GGTA1: variants seen among roughly 807,000 people sequenced by gnomAD.
The protein encoded by GGTA1 is inactive N-acetyllactosaminide alpha-1,3-galactosyltransferase.
A neutral mutation model predicts 2.6 loss-of-function variants in GGTA1; 5 were observed. The ratio of observed to expected loss-of-function variants is 1.92; its 90% CI spans 1.00 to 4.04. The LOEUF is 4.04. Ranked by LOEUF, GGTA1 falls within the 30% of genes most tolerant of loss-of-function variation. The pLI is 0.00. For synonymous variants in GGTA1, 17 were observed against 5.0 expected, an observed-to-expected ratio of 3.38 and a Z score of -3.19; for missense variants, 50 against 16.7, an observed-to-expected ratio of 2.99 and a Z score of -3.47.
At chr9:121,456,627 G>T (rs907137982) in intron 5 of GGTA1, among the ~76,000 whole-genome samples, 8 of 151,984 alleles carry the variant, frequency 5.3e-5, no homozygotes, top group Non-Finnish European at 2.9e-5. Context: ...CGTTGGTCAG[G>T]CTGGTCTCGA....
At chr9:121,475,301 G>C (rs1828485157) in intron 1 of GGTA1, among the ~76,000 whole-genome samples, 1 of 152,136 alleles carries the variant, frequency 6.6e-6, no homozygotes, top group South Asian at 2.1e-4. Flanking sequence ...GGTCTAAAAA[G>C]GGGAGCCATG....
At chr9:121,449,427 G>A (rs1052703421) in intron 7 of GGTA1, among the ~76,000 whole-genome samples, 2 of 152,324 alleles carry the variant, frequency 1.3e-5, no homozygotes, top group East Asian at 1.9e-4. Flanking sequence ...ATGAATAAGT[G>A]TTCCTGTTGC....
At chr9:121,487,086 C>T (rs1461470289) in intron 1 of GGTA1, among the ~76,000 whole-genome samples, 1 of 152,184 alleles carries the variant, frequency 6.6e-6, no homozygotes, top group Non-Finnish European at 1.5e-5. Context: ...GGGGTTGGCT[C>T]TTGCCCCAGG....
chr9:121,463,664 C>T (rs2064979103), intron 2 of GGTA1, among the ~76,000 whole-genome samples: 1 of 152,136 alleles, frequency 6.6e-6, no homozygotes, highest in African/African-American at 2.4e-5. Context: ...GCTGGGATTA[C>T]AGGTGTGAGT....
At chr9:121,465,498 A>G (rs1199907379) in intron 2 of GGTA1, among the ~76,000 whole-genome samples, 1 of 152,182 alleles carries the variant, frequency 6.6e-6, no homozygotes, top group Non-Finnish European at 1.5e-5. Context: ...CAGTGCGATG[A>G]TATTTGGAGG....
intron 1 of GGTA1, among the ~76,000 whole-genome samples, chr9:121,490,258 C>A (rs1198364008): frequency 6.6e-6 from 1 of 152,168 alleles, no homozygotes; most frequent in Admixed American, 6.5e-5. Flanking sequence ...GCTCTAAAAA[C>A]CAACCTATTT....
chr9:121,487,728 T>G (rs1828791552), intron 1 of GGTA1, among the ~76,000 whole-genome samples: 1 of 152,172 alleles, frequency 6.6e-6, no homozygotes, highest in South Asian at 2.1e-4. Context: ...ACTTTTTTCT[T>G]TTTTTGAGGT....
At chr9:121,484,994 T>G (rs764317662) in intron 1 of GGTA1, among the ~76,000 whole-genome samples, 6 of 152,180 alleles carry the variant, frequency 3.9e-5, no homozygotes, top group African/African-American at 1.4e-4. Context: ...CTCCAGGACA[T>G]TAACTCACTG....
intron 1 of GGTA1, among the ~76,000 whole-genome samples, chr9:121,480,061 C>CTTTTCTTTT (rs58602847): frequency 3.7e-4 from 52 of 139,858 alleles, no homozygotes; most frequent in Non-Finnish European, 3.3e-4. Context: ...CTTTTCTTTT[C>CTTTTCTTTT]TTTTTTTTTT....
chr9:121,445,920 C>G (rs1344552109), exon 8 of GGTA1: 2 of 152,188 alleles, frequency 1.3e-5, no homozygotes, highest in Non-Finnish European at 2.9e-5. Context: ...ATCCTAGAAA[C>G]AGAACTGCTT....
At chr9:121,461,167 G>A in intron 4 of GGTA1, 85 bp downstream of exon 4, 2 of 408,564 alleles carry the variant, frequency 4.9e-6, no homozygotes, top group Admixed American at 6.5e-5. Flanking sequence ...GACTGAGAAG[G>A]TCATGAACAT....
intron 1 of GGTA1, among the ~76,000 whole-genome samples, chr9:121,496,757 A>AAAAAAAAAAAAAAAAAAAAAAG (rs1554838784): frequency 7.1e-5 from 8 of 112,000 alleles, no homozygotes; most frequent in Non-Finnish European, 1.0e-4. Flanking sequence ...AAAAAAAAAA[A>AAAAAAAAAAAAAAAAAAAAAAG]AGAGAGAGAG....
chr9:121,490,909 A>G (rs1293006458), intron 1 of GGTA1, among the ~76,000 whole-genome samples: 2 of 151,930 alleles, frequency 1.3e-5, no homozygotes, highest in African/African-American at 4.8e-5. Flanking sequence ...TGCCCCAAAC[A>G]TTTTCTGAGC....
At chr9:121,495,572 C>A (rs1380783889) in intron 1 of GGTA1, among the ~76,000 whole-genome samples, 3 of 152,052 alleles carry the variant, frequency 2.0e-5, no homozygotes, top group Non-Finnish European at 2.9e-5. Context: ...AGCTGACTAT[C>A]CTCATTGTTT....
chr9:121,497,419 T>C (rs747006637), intron 1 of GGTA1, among the ~76,000 whole-genome samples: 20 of 152,102 alleles, frequency 1.3e-4, no homozygotes, highest in Non-Finnish European at 2.2e-4. Context: ...TGAGAGGTGA[T>C]GTAATGGAAA....
At chr9:121,486,992 G>C (rs1243029477) in intron 1 of GGTA1, among the ~76,000 whole-genome samples, 2 of 152,150 alleles carry the variant, frequency 1.3e-5, no homozygotes, top group Non-Finnish European at 2.9e-5. Flanking sequence ...CTGAAGACCA[G>C]CCTGAGCCAC....
At chr9:121,496,706 T>G (rs552496514) in intron 1 of GGTA1, among the ~76,000 whole-genome samples, 2 of 112,882 alleles carry the variant, frequency 1.8e-5, no homozygotes, top group Non-Finnish European at 3.3e-5. Context: ...CACTCCAGCC[T>G]GAGTGACAGA....
chr9:121,460,090 G>A lies in GGTA1; in HGVS notation c.298+14C>T, dbSNP rs755265216. The A allele has an allele frequency of 2.8e-5, 13 of 456,460 alleles. No individual in the cohort carries two copies. The highest frequency in any genetic ancestry group is 8.0e-5 in the African/African-American group (4 of 50,034). 28.3% of individuals were successfully genotyped at this position (456,460 alleles called of 1,614,324 possible). A position where few individuals can be genotyped will look rare whatever the true frequency, so the allele number is the denominator to read the frequency against. ...ATGGATTTGCTGCACAGGGAGTGAC[G>A]CCGCTTTTCTTACTTTGGATTAAAC... On this transcript the variant is annotated intron_variant, in intron 5 of 5. Transcript: ENST00000481799.
At chr9:121,472,918 T>A (rs1383868907) in intron 1 of GGTA1, among the ~76,000 whole-genome samples, 2 of 152,180 alleles carry the variant, frequency 1.3e-5, no homozygotes, top group Non-Finnish European at 2.9e-5. Context: ...GATTTTTTTT[T>A]ATTCCAAAAA....
Sources: allele counts gnomAD v4.1 joint callset (sites outside exome capture counted in the v4.1 genomes callset), GRCh38; gene constraint gnomAD v4.1.1; transcripts MANE v1.5; gene names NCBI Gene and HGNC (gene_info 2026-07-23, HGNC 2026-07-21).